Variants in CSNK2A2IP observed in about 807,000 individuals in gnomAD.
CSNK2A2IP encodes the protein casein kinase II subunit alpha'-interacting protein.
the CSNK2A2IP span, among the ~76,000 whole-genome samples, chr3:88,456,538 T>C: frequency 6.6e-6 from 1 of 152,078 alleles, no homozygotes; most frequent in African/African-American, 2.4e-5. Flanking sequence ...TTTTTGTATG[T>C]TTATTTTGTA....
At chr3:88,433,253 T>C in the CSNK2A2IP span, among the ~76,000 whole-genome samples, 1 of 139,772 alleles carries the variant, frequency 7.2e-6, no homozygotes, top group Admixed American at 7.1e-5. Context: ...TTAATTGCTA[T>C]TTATGCCTTT....
chr3:88,352,649 G>T, the CSNK2A2IP span, among the ~76,000 whole-genome samples: 3 of 151,948 alleles, frequency 2.0e-5, no homozygotes, highest in African/African-American at 7.2e-5. Context: ...CATGATCACA[G>T]CTCACTGCGG....
the CSNK2A2IP span, chr3:88,465,141 T>C: frequency 2.6e-6 from 1 of 383,210 alleles, no homozygotes; most frequent in African/African-American, 2.1e-5. Context: ...ATACTGAAGA[T>C]AATCTCAAAT....
the CSNK2A2IP span, among the ~76,000 whole-genome samples, chr3:88,448,708 G>A: frequency 1.3e-5 from 2 of 152,306 alleles, no homozygotes; most frequent in Admixed American, 6.5e-5. Context: ...ACTTGGAGGT[G>A]TTAGTCTACT....
At chr3:88,461,083 G>A in the CSNK2A2IP span, among the ~76,000 whole-genome samples, 2,037 of 86,876 alleles carry the variant, frequency 0.023, 38 homozygotes, top group African/African-American at 0.056. Context: ...GTGAAACTCC[G>A]TCTCAAAAAA....
chr3:88,403,249 C>T, the CSNK2A2IP span, among the ~76,000 whole-genome samples: 5 of 152,172 alleles, frequency 3.3e-5, no homozygotes, highest in South Asian at 2.1e-4. Flanking sequence ...AAACTAGGCT[C>T]TGCAATATTT....
At chr3:88,436,891 G>C in the CSNK2A2IP span, among the ~76,000 whole-genome samples, 1 of 151,934 alleles carries the variant, frequency 6.6e-6, no homozygotes, top group South Asian at 2.1e-4. Flanking sequence ...AAATTTGGGG[G>C]CAAACCTGTT....
the CSNK2A2IP span, among the ~76,000 whole-genome samples, chr3:88,389,455 T>C: frequency 2.0e-5 from 3 of 152,110 alleles, no homozygotes; most frequent in Admixed American, 2.0e-4. Flanking sequence ...GAAAATGAGG[T>C]TGGAGACTTC....
chr3:88,425,657 G>T, the CSNK2A2IP span, among the ~76,000 whole-genome samples: 1 of 152,022 alleles, frequency 6.6e-6, no homozygotes, highest in South Asian at 2.1e-4. Context: ...TCTATAAAAT[G>T]GTAGTAATAA....
the CSNK2A2IP span, among the ~76,000 whole-genome samples, chr3:88,420,347 C>G: frequency 2.0e-5 from 3 of 152,130 alleles, no homozygotes; most frequent in Non-Finnish European, 4.4e-5. Flanking sequence ...CTGGCTAGTA[C>G]TTGCCAGTAA....
At chr3:88,360,403 G>A in the CSNK2A2IP span, among the ~76,000 whole-genome samples, 1 of 152,160 alleles carries the variant, frequency 6.6e-6, no homozygotes, top group Non-Finnish European at 1.5e-5. Context: ...AAAGTGCTGG[G>A]ATTATAGGCG....
the CSNK2A2IP span, among the ~76,000 whole-genome samples, chr3:88,399,350 T>G: frequency 4.6e-5 from 7 of 152,168 alleles, no homozygotes; most frequent in African/African-American, 7.2e-5. Flanking sequence ...AAAATATATA[T>G]GTCACCAATA....
chr3:88,412,740 T>C, the CSNK2A2IP span, among the ~76,000 whole-genome samples: 1 of 152,032 alleles, frequency 6.6e-6, no homozygotes, highest in Admixed American at 6.6e-5. Context: ...GAGCATAAGG[T>C]GTAGCCTATT....
chr3:88,432,912 T>G, the CSNK2A2IP span, among the ~76,000 whole-genome samples: 893 of 151,948 alleles, frequency 5.9e-3, 18 homozygotes, highest in Non-Finnish European at 3.7e-3. Flanking sequence ...ATAAGAGTTC[T>G]GGTTCACAGC....
At chr3:88,356,354 G>C in the CSNK2A2IP span, among the ~76,000 whole-genome samples, 18 of 151,724 alleles carry the variant, frequency 1.2e-4, no homozygotes, top group African/African-American at 4.4e-4. Flanking sequence ...TGTGATATTT[G>C]TTTTTCTCTA....
chr3:88,392,183 A>T, the CSNK2A2IP span, among the ~76,000 whole-genome samples: 1 of 152,300 alleles, frequency 6.6e-6, no homozygotes, highest in African/African-American at 2.4e-5. Context: ...GAAAAGGAGT[A>T]GGTAGTACAG....
chr3:88,455,231 C>T, the CSNK2A2IP span, among the ~76,000 whole-genome samples: 5 of 151,942 alleles, frequency 3.3e-5, no homozygotes, highest in African/African-American at 7.2e-5. Context: ...TGGTATATAC[C>T]TAGAAGTGGA....
the CSNK2A2IP span, among the ~76,000 whole-genome samples, chr3:88,380,484 A>ACC: frequency 6.6e-6 from 1 of 151,596 alleles, no homozygotes; most frequent in Admixed American, 6.6e-5. Context: ...CTTAAATATT[A>ACC]TATTTGATTA....
chr3:88,437,252 A>C, the CSNK2A2IP span, among the ~76,000 whole-genome samples: 1 of 152,156 alleles, frequency 6.6e-6, no homozygotes, highest in Admixed American at 6.6e-5. Flanking sequence ...GCAGCCAGCT[A>C]TCTGTTTACC....
Sources: gnomAD v4.1 joint callset for allele counts (sites outside exome capture counted in the v4.1 genomes callset) on GRCh38, gnomAD v4.1.1 for gene constraint, MANE v1.5 for transcripts, NCBI Gene and HGNC (gene_info 2026-07-23, HGNC 2026-07-21) for gene names.